The following MOSPD2 variants were observed in gnomAD, a reference collection of about 807,000 sequenced individuals.
MOSPD2 encodes motile sperm domain-containing protein 2.
Under a neutral mutation model 41.7 loss-of-function variants are expected in MOSPD2, and 5 were observed. That is an observed-to-expected ratio of 0.12 (90% CI 0.06 to 0.25). MOSPD2 has a LOEUF of 0.25. Ranked by LOEUF, MOSPD2 falls within the 10% of genes least tolerant of loss-of-function variation. The pLI, the probability that MOSPD2 is intolerant of heterozygous loss-of-function variation, is 1.00. For missense variants in MOSPD2, 282 were observed against 375.2 expected (o/e 0.75, Z 2.05); for synonymous variants, 115 against 126.9 (o/e 0.91, Z 0.63).
At chrX:14,884,172 GA>G (rs890811037) in intron 2 of MOSPD2, among the ~76,000 whole-genome samples, 54 of 103,718 alleles carry the variant, frequency 5.2e-4, no homozygotes, top group Admixed American at 7.2e-4. Flanking sequence ...ACCATTGCTG[GA>G]AAAAAAAAAA....
intron 8 of MOSPD2, among the ~76,000 whole-genome samples, chrX:14,909,408 G>C (rs2147499972): frequency 9.0e-6 from 1 of 111,256 alleles, no homozygotes; most frequent in South Asian, 3.7e-4. Flanking sequence ...TGTGCATCCT[G>C]CTTTTCTCTT....
At chrX:14,900,994 A>G (rs1422334543) in intron 6 of MOSPD2, among the ~76,000 whole-genome samples, 2 of 111,963 alleles carry the variant, frequency 1.8e-5, no homozygotes, top group Admixed American at 9.5e-5. Flanking sequence ...TATTTATTAT[A>G]TGAAACTTCT....
chrX:14,914,739 T>C lies in MOSPD2; in HGVS notation c.1089+140T>C, dbSNP rs1331897377. The C allele has an allele frequency of 7.4e-6, 3 of 404,483 alleles. No individual in the cohort carries two copies. In the African/African-American group the frequency reaches 7.8e-5, roughly 10 times the overall value. 33.3% of individuals were successfully genotyped at this position (404,483 alleles called of 1,213,427 possible). A position where few individuals can be genotyped will look rare whatever the true frequency, so the allele number is the denominator to read the frequency against. Reference sequence around the variant, plus strand: ...ATGACAATTTTTAGGCATGTTGTACTACCTTCTGGTTCTAACCAAGTCGCA... The same window carrying C: ...ATGACAATTTTTAGGCATGTTGTACCACCTTCTGGTTCTAACCAAGTCGCA... On this transcript the variant is annotated intron_variant, in intron 11 of 14. Transcript: ENST00000380492.
intron 5 of MOSPD2, among the ~76,000 whole-genome samples, chrX:14,898,506 G>C (rs1052721987): frequency 9.0e-6 from 1 of 111,397 alleles, no homozygotes; most frequent in Admixed American, 9.6e-5. Flanking sequence ...ATTTTTCAAG[G>C]ATCCGATGCC....
intron 2 of MOSPD2, among the ~76,000 whole-genome samples, chrX:14,882,071 T>C (rs1185767053): frequency 9.1e-6 from 1 of 109,696 alleles, no homozygotes; most frequent in Non-Finnish European, 1.9e-5. Context: ...AAATGACGAG[T>C]TAATGGGTGC....
intron 5 of MOSPD2, 50 bp downstream of exon 5, chrX:14,897,288 C>T (rs373081274): frequency 5.8e-6 from 6 of 1,040,302 alleles, no homozygotes; most frequent in East Asian, 6.2e-5. Context: ...TGGCTTCCTC[C>T]CTTTCTCCTG....
intron 2 of MOSPD2, among the ~76,000 whole-genome samples, chrX:14,888,231 C>CAG (rs2092546187): frequency 2.1e-5 from 2 of 96,646 alleles, no homozygotes; most frequent in Admixed American, 2.1e-4. Flanking sequence ...CACACACACA[C>CAG]ACACACACAC....
chrX:14,916,135 A>G, intron 12 of MOSPD2, 62 bp from the exon 13 acceptor site: 3 of 1,199,697 alleles, frequency 2.5e-6, no homozygotes, highest in Non-Finnish European at 3.4e-6. Flanking sequence ...TTTAAACCAC[A>G]TGCATATCCA....
At chrX:14,873,652 A>C (rs939618581) in intron 1 of MOSPD2, 37 bp from the exon 2 acceptor site, 1 of 1,199,025 alleles carries the variant, frequency 8.3e-7, no homozygotes, top group Non-Finnish European at 1.1e-6. Context: ...GGGTTGATGC[A>C]AGTAGTATCT....
intron 7 of MOSPD2, among the ~76,000 whole-genome samples, chrX:14,906,939 G>C (rs5935825): frequency 1.8e-5 from 2 of 110,420 alleles, no homozygotes; most frequent in African/African-American, 6.6e-5. Context: ...CAGGAGAATC[G>C]CTTGAACCCA....
In MOSPD2 at chrX:14,921,741, A is replaced by C; in HGVS notation, c.*1932A>C. 7.0e-6 allele frequency: 1 copy of C among 142,061 alleles called. No individual in the cohort carries two copies. Among genetic ancestry groups the C allele is most frequent in the Non-Finnish European group, 1.4e-5 (1 of 72,169 alleles). 11.7% of individuals were successfully genotyped at this position (142,061 alleles called of 1,213,427 possible). ...AGGATTACTGAAAATTCACTATAAAATCAAAGGCATCTAAACGTTTGTACT... is the reference window on the plus strand; with the variant it reads ...AGGATTACTGAAAATTCACTATAAACTCAAAGGCATCTAAACGTTTGTACT... On this transcript the variant is annotated 3_prime_UTR_variant, in exon 15 of 15. Coordinates refer to ENST00000380492, the MANE Select transcript of MOSPD2 (RefSeq NM_152581.4).
intron 1 of MOSPD2, 58 bp downstream of exon 1, chrX:14,873,595 C>T: frequency 8.3e-7 from 1 of 1,209,840 alleles, no homozygotes; most frequent in Non-Finnish European, 1.1e-6. Context: ...CCTCTGAGGC[C>T]CGGGGACCGA....
intron 6 of MOSPD2, among the ~76,000 whole-genome samples, chrX:14,902,316 T>C: frequency 1.8e-5 from 2 of 111,928 alleles, no homozygotes; most frequent in Non-Finnish European, 3.8e-5. Context: ...AAATCTTCTT[T>C]GCAGTTTCTG....
In MOSPD2 at chrX:14,890,915, C is replaced by G. The variant is rs148184655; in HGVS notation, c.80-1808C>G. ...AAGTTGTTTTGCTTTGTTTTGTTTT[C>G]TTTTGTTTTTTGTATGAACCTTAGG... On this transcript the variant is annotated intron_variant, in intron 2 of 14. Coordinates refer to ENST00000380492, the MANE Select transcript of MOSPD2 (RefSeq NM_152581.4). Among the ~76,000 whole-genome samples the G allele has an allele frequency of 4.3e-3, 485 of 111,618 alleles. 2 individuals carry two copies. The highest frequency in any genetic ancestry group is 0.015 in the African/African-American group (460 of 30,759).
At chrX:14,913,970 C>A (rs2092596038) in intron 10 of MOSPD2, among the ~76,000 whole-genome samples, 1 of 111,624 alleles carries the variant, frequency 9.0e-6, no homozygotes, top group African/African-American at 3.2e-5. Flanking sequence ...GCTCCCATCC[C>A]AAACTTACTT....
At chrX:14,918,466 C>T (rs2092604002) in intron 13 of MOSPD2, among the ~76,000 whole-genome samples, 1 of 111,988 alleles carries the variant, frequency 8.9e-6, no homozygotes, top group African/African-American at 3.2e-5. Flanking sequence ...CGAATGGTAT[C>T]TGCAATATGT....
intron 2 of MOSPD2, among the ~76,000 whole-genome samples, chrX:14,878,568 T>C (rs1309386608): frequency 8.9e-6 from 1 of 112,343 alleles, no homozygotes; most frequent in Non-Finnish European, 1.9e-5. Flanking sequence ...TATTCAAAAT[T>C]ACCCATTCCT....
chrX:14,916,362 G>C, intron 13 of MOSPD2, 36 bp downstream of exon 13: 1 of 1,204,666 alleles, frequency 8.3e-7, no homozygotes, highest in Non-Finnish European at 1.1e-6. Flanking sequence ...CAAATGTAGT[G>C]GGAAGAATCA....
In MOSPD2 at chrX:14,889,731, A is replaced by T. The variant is rs1452836688; in HGVS notation, c.80-2992A>T. 2.7e-5 allele frequency among the ~76,000 whole-genome samples: 3 copies of T among 112,017 alleles called. No homozygotes were observed. The East Asian group carries it at 8.3e-4, about 31-fold the overall frequency. On this transcript the variant is annotated intron_variant, in intron 2 of 14. Coordinates refer to ENST00000380492, the MANE Select transcript of MOSPD2 (RefSeq NM_152581.4). ...CATGTTATATGTAAGAACATTAATAAAAATCATTTTAATATAAATGGGGCT... is the reference window on the plus strand; with the variant it reads ...CATGTTATATGTAAGAACATTAATATAAATCATTTTAATATAAATGGGGCT...
Sources: gnomAD v4.1 joint callset for allele counts (sites outside exome capture counted in the v4.1 genomes callset) on GRCh38, gnomAD v4.1.1 for gene constraint, MANE v1.5 for transcripts, NCBI Gene and HGNC (gene_info 2026-07-23, HGNC 2026-07-21) for gene names.